INPP5A: variants seen among roughly 807,000 people sequenced by gnomAD.
The protein encoded by INPP5A is 43 kDa inositol polyphosphate 5-phophatase.
Under a neutral mutation model 65.2 loss-of-function variants are expected in INPP5A, and 14 were observed. That is an observed-to-expected ratio of 0.21 (90% confidence interval 0.14 to 0.34). The LOEUF (loss-of-function observed/expected upper bound fraction) is 0.34. Ranked by LOEUF, INPP5A falls within the 10% of genes least tolerant of loss-of-function variation. INPP5A has a pLI of 1.00. For missense variants in INPP5A, 431 were observed against 545.6 expected (o/e 0.79, Z 2.09); for synonymous variants, 207 against 208.3 (o/e 0.99, Z 0.05).
At chr10:132,765,635 T>C in intron 11 of INPP5A, 138 bp from the exon 12 acceptor site, 1 of 652,746 alleles carries the variant, frequency 1.5e-6, no homozygotes, top group East Asian at 2.7e-5. Flanking sequence ...CCACAGAGCT[T>C]TCTGGTGACA....
chr10:132,770,547 C>T (rs1565010783), intron 12 of INPP5A, among the ~76,000 whole-genome samples: 1 of 152,094 alleles, frequency 6.6e-6, no homozygotes, highest in African/African-American at 2.4e-5. Flanking sequence ...ATGCCACCAT[C>T]GAAATGGCCC....
At chr10:132,586,625 C>T (rs190908677) in intron 1 of INPP5A, among the ~76,000 whole-genome samples, 5 of 152,320 alleles carry the variant, frequency 3.3e-5, no homozygotes, top group African/African-American at 1.2e-4. Flanking sequence ...CCTGTGAAGT[C>T]ACTGGAATCT....
intron 2 of INPP5A, among the ~76,000 whole-genome samples, chr10:132,641,048 C>T (rs888721994): frequency 6.6e-6 from 1 of 152,242 alleles, no homozygotes; most frequent in Admixed American, 6.5e-5. Context: ...GTATTAGCAG[C>T]TGCTGGTGTT....
At chr10:132,656,461 C>T (rs531655701) in intron 4 of INPP5A, among the ~76,000 whole-genome samples, 2 of 152,356 alleles carry the variant, frequency 1.3e-5, no homozygotes, top group African/African-American at 4.8e-5. Context: ...GCTGTGCCTG[C>T]TCAGAGAGTG....
chr10:132,755,539 T>G (rs12249832), intron 11 of INPP5A, among the ~76,000 whole-genome samples: 2 of 144,106 alleles, frequency 1.4e-5, no homozygotes, highest in African/African-American at 2.8e-5. Context: ...AGCAGGCATA[T>G]GCATATGAGT....
chr10:132,695,449 C>T (rs928244237), intron 5 of INPP5A, among the ~76,000 whole-genome samples: 1 of 152,206 alleles, frequency 6.6e-6, no homozygotes, highest in African/African-American at 2.4e-5. Context: ...GGCAAGGATG[C>T]CTCCTCTCCT....
intron 1 of INPP5A, among the ~76,000 whole-genome samples, chr10:132,598,880 A>C (rs2071743023): frequency 6.6e-6 from 1 of 152,206 alleles, no homozygotes; most frequent in South Asian, 2.1e-4. Flanking sequence ...GAGAGAAGTA[A>C]AAGCGGAAAC....
At chr10:132,654,655 G>A (rs1214170099) in intron 4 of INPP5A, among the ~76,000 whole-genome samples, 1 of 152,256 alleles carries the variant, frequency 6.6e-6, no homozygotes, top group Non-Finnish European at 1.5e-5. Context: ...TTACAAGATT[G>A]ATGGTATTGG....
Position 132,603,884 on chromosome 10 carries a change from C to T in INPP5A, c.76-4031C>T, listed in dbSNP as rs968901528. Among the ~76,000 whole-genome samples the T allele has an allele frequency of 6.6e-6, 1 of 152,122 alleles. No homozygotes were observed. Among genetic ancestry groups the T allele is most frequent in the Non-Finnish European group, 1.5e-5 (1 of 68,018 alleles). ...CCTTTCTGACTTCTGGGCTCTGCTG[C>T]ATCACCTGAGTTCTGCCCTGCGCCG... On this transcript the variant is annotated intron_variant, in intron 1 of 15. Transcript: ENST00000368594. This position sits in a 1 kb window ranked among gnomAD's most constrained non-coding sequence, Gnocchi z 4.2.
chr10:132,756,920 C>G (rs965067522), intron 11 of INPP5A, among the ~76,000 whole-genome samples: 7 of 152,048 alleles, frequency 4.6e-5, no homozygotes, highest in African/African-American at 1.7e-4. Context: ...ATGTCTGTGT[C>G]GTTGTCTTCA....
chr10:132,710,480 C>T lies in INPP5A; in HGVS notation c.647+24C>T, dbSNP rs369476132. 3.7e-6 allele frequency: 6 copies of T among 1,605,826 alleles called. No homozygotes were observed. In the South Asian group the frequency reaches 5.5e-5, roughly 15 times the overall value. On this transcript the variant is annotated intron_variant, in intron 8 of 15. Coordinates refer to ENST00000368594, the MANE Select transcript of INPP5A (RefSeq NM_005539.5). The stretch of plus-strand genomic sequence containing the variant: ...AGGTAGGTGTGGGCGGGCAGGTAGG[C>T]GTGGGCCGGGCAAGTAGGTGTGCTG...
rs1241684561 is a variant in INPP5A at position 132,627,099 on chromosome 10, G to A, written c.118-18769G>A. On this transcript the variant is annotated intron_variant, in intron 2 of 15. Coordinates refer to ENST00000368594, the MANE Select transcript of INPP5A (RefSeq NM_005539.5). The surrounding 1 kb of genome is among the most constrained non-coding windows in gnomAD (Gnocchi z 6.6). ...CTTACAAGAAGGGACACGGGATCAG[G>A]CTCTCTCCACAGGGCGCAGAGGCAG... Among the ~76,000 whole-genome samples, 3 of 151,990 alleles carry A rather than the reference G, an allele frequency of 2.0e-5. No individual in the cohort carries two copies. Among genetic ancestry groups the A allele is most frequent in the Non-Finnish European group, 2.9e-5 (2 of 68,034 alleles).
chr10:132,747,525 A>G (rs931166301), intron 9 of INPP5A, among the ~76,000 whole-genome samples: 1 of 152,216 alleles, frequency 6.6e-6, no homozygotes, highest in African/African-American at 2.4e-5. Context: ...AGTTCCTCTC[A>G]GTTCCTGCTG....
intron 2 of INPP5A, among the ~76,000 whole-genome samples, chr10:132,620,454 A>G (rs536911944): frequency 6.6e-6 from 1 of 152,230 alleles, no homozygotes; most frequent in Non-Finnish European, 1.5e-5. Context: ...GCCAGGCCAC[A>G]TCTTTCTTGA....
rs953350442 is a variant in INPP5A, at chr10:132,663,393, A to G, written c.306+12888A>G. 6.6e-6 allele frequency among the ~76,000 whole-genome samples: 1 copy of G among 152,026 alleles called. No individual in the cohort carries two copies. Among genetic ancestry groups the G allele is most frequent in the African/African-American group, 2.4e-5 (1 of 41,382 alleles). On this transcript the variant is annotated intron_variant, in intron 4 of 15. Coordinates refer to ENST00000368594, the MANE Select transcript of INPP5A (RefSeq NM_005539.5). This position sits in a 1 kb window ranked among gnomAD's most constrained non-coding sequence, Gnocchi z 4.5. ...TGCATCACCACGCCTGGCTAAAAAA[A>G]AACTGTTTATAGAGACTGGGTGTCA...
intron 1 of INPP5A, among the ~76,000 whole-genome samples, chr10:132,599,045 G>T (rs372266280): frequency 6.6e-6 from 1 of 152,236 alleles, no homozygotes; most frequent in East Asian, 1.9e-4. Context: ...TTTGGGTGGG[G>T]ACACAGCCAA....
At chr10:132,660,488 G>A (rs2072721264) in intron 4 of INPP5A, among the ~76,000 whole-genome samples, 1 of 152,160 alleles carries the variant, frequency 6.6e-6, no homozygotes, top group South Asian at 2.1e-4. Flanking sequence ...TCTGTTGATG[G>A]TGACATCAAA....
intron 2 of INPP5A, among the ~76,000 whole-genome samples, chr10:132,630,229 A>G (rs1590879785): frequency 6.6e-6 from 1 of 151,686 alleles, no homozygotes; most frequent in African/African-American, 2.4e-5. Flanking sequence ...AAAGCTGTCC[A>G]TGAGGGGAAG....
chr10:132,760,811 T>C (rs1846719361), intron 11 of INPP5A, among the ~76,000 whole-genome samples: 4 of 152,190 alleles, frequency 2.6e-5, no homozygotes, highest in Admixed American at 2.6e-4. Context: ...GTCCACTGTC[T>C]TCCTGAGGGG....
Sources: gnomAD v4.1 joint callset for allele counts (sites outside exome capture counted in the v4.1 genomes callset) on GRCh38, gnomAD v4.1.1 for gene constraint, Gnocchi (gnomAD v3.1) non-coding constraint, MANE v1.5 for transcripts, NCBI Gene and HGNC (gene_info 2026-07-23, HGNC 2026-07-21) for gene names.